Variants in YEATS2 observed in about 807,000 individuals in gnomAD.
YEATS2 encodes the protein YEATS domain containing 2, also known as YEATS domain-containing protein 2.
A neutral mutation model predicts 163.2 loss-of-function variants in YEATS2; 77 were observed. That is an observed-to-expected ratio of 0.47 (90% CI 0.39 to 0.57). The LOEUF is 0.57. Ranked by LOEUF, YEATS2 falls within the 20% of genes least tolerant of loss-of-function variation. YEATS2 has a pLI of 0.00. For missense variants in YEATS2, 1,549 were observed against 1,729.8 expected (o/e 0.90, Z 1.85); for synonymous variants, 631 against 645.1 (o/e 0.98, Z 0.33).
chr3:183,722,239 A>T, intron 5 of YEATS2, 103 bp downstream of exon 5: 9 of 1,261,598 alleles, frequency 7.1e-6, no homozygotes, highest in Non-Finnish European at 9.5e-6. Context: ...GAATCTTAGG[A>T]AATAGGTTTG....
At chr3:183,791,001 ATTTCTCTCTCT>A in intron 21 of YEATS2, 21 bp downstream of exon 21, 1 of 1,603,304 alleles carries the variant, frequency 6.2e-7, no homozygotes, top group South Asian at 1.1e-5. Context: ...TTGTGATATT[ATTTCTCTCTCT>A]TTTCTCTCAT....
chr3:183,718,661 A>G (rs1364493107), intron 4 of YEATS2, 69 bp downstream of exon 4: 15 of 1,185,258 alleles, frequency 1.3e-5, no homozygotes, highest in Middle Eastern at 1.9e-4. Context: ...AGTTATGTCA[A>G]TATGGAATCC....
chr3:183,792,447 C>T (rs778091338), intron 21 of YEATS2, among the ~76,000 whole-genome samples: 2 of 152,148 alleles, frequency 1.3e-5, no homozygotes, highest in African/African-American at 2.4e-5. Flanking sequence ...TGGCTTCCAG[C>T]TTCATCCATG....
At chr3:183,721,769 G>A (rs1716511843) in intron 4 of YEATS2, 122 bp from the exon 5 acceptor site, 1 of 1,295,354 alleles carries the variant, frequency 7.7e-7, no homozygotes, top group Non-Finnish European at 1.1e-6. Flanking sequence ...TATGGATGTG[G>A]GGAGATTTTG....
In YEATS2 at chr3:183,741,736, C is replaced by T. The variant is rs555564357; in HGVS notation, c.924+4907C>T. On this transcript the variant is annotated intron_variant, in intron 8 of 30. Coordinates refer to ENST00000305135, the MANE Select transcript of YEATS2 (RefSeq NM_018023.5). ...GGCGAAGTTTGCAGTGAGCCAAGAT[C>T]GCGCCACTGCACTCCAGCCTGGTGA... 2.6e-5 allele frequency among the ~76,000 whole-genome samples: 4 copies of T among 152,048 alleles called. No homozygotes were observed. In the South Asian group the frequency reaches 6.2e-4, roughly 24 times the overall value.
intron 21 of YEATS2, among the ~76,000 whole-genome samples, chr3:183,796,479 C>T (rs925147406): frequency 3.3e-5 from 5 of 150,706 alleles, no homozygotes; most frequent in East Asian, 3.9e-4. Context: ...CTTTCTAAAA[C>T]GATAGAGAAC....
At chr3:183,804,673 T>C (rs907776612) in intron 27 of YEATS2, among the ~76,000 whole-genome samples, 16 of 152,202 alleles carry the variant, frequency 1.1e-4, no homozygotes, top group Admixed American at 2.0e-4. Flanking sequence ...GCAGGTGAAA[T>C]GAATTGTTTC....
chr3:183,759,105 T>C (rs920366555), intron 13 of YEATS2, 140 bp downstream of exon 13: 2 of 584,612 alleles, frequency 3.4e-6, no homozygotes, highest in Admixed American at 4.0e-5. Context: ...ATCTGCCACC[T>C]CACCTGCCAG....
At chr3:183,727,597 G>T (rs57123036) in intron 6 of YEATS2, among the ~76,000 whole-genome samples, 2 of 152,152 alleles carry the variant, frequency 1.3e-5, no homozygotes, top group African/African-American at 4.8e-5. Flanking sequence ...TATCACTAAG[G>T]ATTAGCACTA....
chr3:183,807,136 G>A, intron 28 of YEATS2, 44 bp downstream of exon 28: 1 of 1,553,484 alleles, frequency 6.4e-7, no homozygotes, highest in Non-Finnish European at 8.8e-7. Flanking sequence ...GACCAGCTCA[G>A]AGCTAGATGT....
At chr3:183,728,304 C>T (rs191943045) in intron 6 of YEATS2, among the ~76,000 whole-genome samples, 2 of 152,314 alleles carry the variant, frequency 1.3e-5, no homozygotes, top group African/African-American at 4.8e-5. Context: ...ACTAAGCAGG[C>T]ATTGTCTTCT....
Position 183,789,525 on chromosome 3 carries a change from A to ATTT in YEATS2, c.2914-1246_2914-1244dup, listed in dbSNP as rs143473253. On this transcript the variant is annotated intron_variant, in intron 20 of 30. Coordinates refer to ENST00000305135, the MANE Select transcript of YEATS2 (RefSeq NM_018023.5). ...TTAGGTTTCAGATTCATTCGAGTTA[A>ATTT]TTTTTTTTTTTTTTTTTTTTTTTTT... Among the ~76,000 whole-genome samples the ATTT allele has an allele frequency of 1.9e-3, 126 of 66,344 alleles. 18 individuals carry two copies. The highest frequency in any genetic ancestry group is 6.9e-3 in the African/African-American group (101 of 14,610). The allele number at this position is 66,344 out of a possible 152,430, so 43.5% of individuals were successfully genotyped here.
At chr3:183,776,178 T>G in intron 18 of YEATS2, 55 bp downstream of exon 18, 1 of 1,474,866 alleles carries the variant, frequency 6.8e-7, no homozygotes, top group East Asian at 2.3e-5. Flanking sequence ...ATAACTATGC[T>G]TAATTATAAT....
chr3:183,756,481 G>A (rs769804854), intron 11 of YEATS2, 47 bp from the exon 12 acceptor site: 5 of 1,478,058 alleles, frequency 3.4e-6, no homozygotes, highest in African/African-American at 1.4e-5. Flanking sequence ...TCTTACGTGA[G>A]TTGAATATGT....
At chr3:183,710,696 GT>G (rs66483673) in intron 1 of YEATS2, among the ~76,000 whole-genome samples, 1,825 of 148,478 alleles carry the variant, frequency 0.012, 37 homozygotes, top group African/African-American at 0.042. Context: ...CAAAGAGAGG[GT>G]TTTTTTTTTA....
intron 24 of YEATS2, 36 bp from the exon 25 acceptor site, chr3:183,801,419 T>A: frequency 6.6e-7 from 1 of 1,517,666 alleles, no homozygotes; most frequent in Non-Finnish European, 9.0e-7. Flanking sequence ...TACATGTATT[T>A]AATTTATTGC....
In YEATS2 at chr3:183,810,604, G is replaced by C; in HGVS notation, c.*21G>C. The C allele has an allele frequency of 6.2e-7, 1 of 1,607,700 alleles. No homozygotes were observed. The highest frequency in any genetic ancestry group is 8.5e-7 in the Non-Finnish European group (1 of 1,174,596). On this transcript the variant is annotated 3_prime_UTR_variant, in exon 31 of 31. Transcript: ENST00000305135. Reference sequence around the variant, plus strand: ...AGTGAGCGGAGTGAGGTGCCCTGGAGAAGCAGGCTTTGAAGGCACAGCGAA... The same window carrying C: ...AGTGAGCGGAGTGAGGTGCCCTGGACAAGCAGGCTTTGAAGGCACAGCGAA...
At chr3:183,733,056 C>T (rs1248417654) in intron 7 of YEATS2, among the ~76,000 whole-genome samples, 1 of 152,024 alleles carries the variant, frequency 6.6e-6, no homozygotes, top group East Asian at 1.9e-4. Context: ...GTCTCGAACT[C>T]CTGGCCTCAA....
rs535704484 is a variant in YEATS2 at position 183,793,186 on chromosome 3, A to G, written c.3097+2206A>G. 1.5e-5 allele frequency: 19 copies of G among 1,286,048 alleles called. No homozygotes were observed. In the South Asian group the frequency reaches 1.9e-4, roughly 13 times the overall value. The allele number at this position is 1,286,048 out of a possible 1,614,324, so 79.7% of individuals were successfully genotyped here. ...CTGAATATCACCGAGATACACACAC[A>G]CACTCACGCATGCAGACAACACCCC... On this transcript the variant is annotated intron_variant, in intron 21 of 30. Transcript: ENST00000305135.
Sources: allele counts gnomAD v4.1 joint callset (sites outside exome capture counted in the v4.1 genomes callset), GRCh38; gene constraint gnomAD v4.1.1; transcripts MANE v1.5; gene names NCBI Gene and HGNC (gene_info 2026-07-23, HGNC 2026-07-21).